Variants in COMT observed in about 807,000 individuals in gnomAD.
The protein encoded by COMT is catechol-O-methyltransferase.
Under a neutral mutation model 18.9 loss-of-function variants are expected in COMT, and 13 were observed. The observed-to-expected ratio is 0.69, with a 90% CI of 0.45 to 1.09. The LOEUF (loss-of-function observed/expected upper bound fraction) is 1.09. Among genes scored for constraint, COMT ranks in the 50% least tolerant of loss-of-function variants. The pLI is 0.00. For synonymous variants in COMT, 150 were observed against 160.9 expected (o/e 0.93, Z 0.51); for missense variants, 329 against 361.8 (o/e 0.91, Z 0.73).
intron 5 of COMT, chr22:19,964,818 C>T (rs940862248): frequency 2.7e-5 from 8 of 292,454 alleles, no homozygotes; most frequent in Non-Finnish European, 5.2e-5. Flanking sequence ...GGGCTGTCCT[C>T]GCTTCCCTGG....
chr22:19,946,976 C>T (rs1332266206), intron 1 of COMT, among the ~76,000 whole-genome samples: 1 of 135,500 alleles, frequency 7.4e-6, no homozygotes, highest in Non-Finnish European at 1.5e-5. Flanking sequence ...AGTGCAGTGG[C>T]ACGATCTCGG....
intron 1 of COMT, among the ~76,000 whole-genome samples, chr22:19,943,619 G>A (rs1941783680): frequency 6.6e-6 from 1 of 150,632 alleles, no homozygotes; most frequent in Non-Finnish European, 1.5e-5. Flanking sequence ...TCCAGCCTGA[G>A]CAACAGAGAG....
At chr22:19,963,857 C>A in intron 4 of COMT, 98 bp downstream of exon 4, 1 of 1,429,034 alleles carries the variant, frequency 7.0e-7, no homozygotes, top group Non-Finnish European at 9.5e-7. Flanking sequence ...GTTCACACCA[C>A]GTTCACTGAA....
At chr22:19,963,349 A>G (rs1189930880) in intron 3 of COMT, 1 of 612,362 alleles carries the variant, frequency 1.6e-6, no homozygotes, top group South Asian at 2.0e-5. Flanking sequence ...GGGAGCTCCA[A>G]GCGCGCTCAC....
rs12167365 is a variant in COMT at position 19,956,479 on chromosome 22, C to T, written c.-91-4720C>T. Among the ~76,000 whole-genome samples, 5 of 148,706 alleles carry T rather than the reference C, an allele frequency of 3.4e-5. No homozygotes were observed. The East Asian group carries it at 9.9e-4, about 29-fold the overall frequency. ...GCAACCTCTGCCTCCCAGGTTCAGG[C>T]TATTCTCCTGCCTCAGCCTCCTGAG... On this transcript the variant is annotated intron_variant, in intron 1 of 5. Transcript: ENST00000361682.
intron 1 of COMT, among the ~76,000 whole-genome samples, chr22:19,942,586 T>A (rs737866): frequency 1.3e-5 from 2 of 152,054 alleles, no homozygotes; most frequent in Non-Finnish European, 2.9e-5. Flanking sequence ...TTTTGGATTT[T>A]TCCAGCCAGG....
At position 19,967,007 on chromosome 22, in the gene COMT, G is replaced by A. The variant is rs897087342; in HGVS notation, c.616-1529G>A. 6.1e-6 allele frequency: 6 copies of A among 985,346 alleles called. No individual in the cohort carries two copies. The African/African-American group carries it at 7.0e-5, about 11-fold the overall frequency. 61.0% of individuals were successfully genotyped at this position (985,346 alleles called of 1,614,324 possible). A position where few individuals can be genotyped will look rare whatever the true frequency, so the allele number is the denominator to read the frequency against. On this transcript the variant is annotated intron_variant, in intron 5 of 5. Coordinates refer to ENST00000361682, the MANE Select transcript of COMT (RefSeq NM_000754.4). ...AGTTCTCCAGGTGGTCTGAGTAGCT[G>A]GTAGGAGGCTTGCAGTGTCGGGCGA...
chr22:19,962,557 G>A lies in COMT; in HGVS notation c.31G>A (p.Ala11Thr), dbSNP rs1360629147. Residue 11 changes from alanine to threonine, a missense_variant, in exon 3 of 6, where the codon GCT (alanine) becomes ACT (threonine). By Grantham distance (58) the Ala-to-Thr change is moderately conservative. Transcript: ENST00000361682. ...GGAGGCCCCGCCTCTGCTGTTGGCA[G>A]CTGTGTTGCTGGGCCTGGTGCTGCT... MPEAPPLLLA[A>T]VLLGLVLLVV... 1.3e-5 allele frequency: 20 copies of A among 1,552,686 alleles called. No homozygotes were observed. Among genetic ancestry groups the A allele is most frequent in the Non-Finnish European group, 1.7e-5 (20 of 1,148,822 alleles).
intron 1 of COMT, among the ~76,000 whole-genome samples, chr22:19,954,619 A>G (rs1381897886): frequency 6.6e-6 from 1 of 151,986 alleles, no homozygotes; most frequent in Non-Finnish European, 1.5e-5. Context: ...TGTCTGGCTA[A>G]TTGTGTATTT....
At chr22:19,953,252 C>T (rs1941987975) in intron 1 of COMT, among the ~76,000 whole-genome samples, 1 of 152,132 alleles carries the variant, frequency 6.6e-6, no homozygotes, top group Admixed American at 6.5e-5. Flanking sequence ...TGGATGCAGG[C>T]CTGGCCCAGA....
intron 1 of COMT, among the ~76,000 whole-genome samples, chr22:19,949,997 AATAAT>A (rs1193607025): frequency 6.6e-6 from 1 of 152,184 alleles, no homozygotes; most frequent in East Asian, 1.9e-4. Flanking sequence ...AGTTACGCTT[AATAAT>A]GAATGTTTCA....
rs757949902 is a variant in COMT at position 19,963,582 on chromosome 22, C to T, written c.306C>T (p.Ala102=). Residue 102 remains alanine (A), a synonymous_variant, in exon 4 of 6, where the codon GCC becomes GCT. Coordinates refer to ENST00000361682, the MANE Select transcript of COMT (RefSeq NM_000754.4). ...VGDKKGKIVD[A]VIQEHQPSVL... is the part of the protein sequence containing the mutation. ...CCTGCACAGGCAAGATCGTGGACGCCGTGATTCAGGAGCACCAGCCCTCCG... is the reference window on the plus strand; with the variant it reads ...CCTGCACAGGCAAGATCGTGGACGCTGTGATTCAGGAGCACCAGCCCTCCG... 4.1e-5 allele frequency: 66 copies of T among 1,612,410 alleles called. No individual in the cohort carries two copies. In the Middle Eastern group the frequency reaches 4.9e-4, roughly 12 times the overall value.
At chr22:19,964,443 G>A in intron 5 of COMT, 144 bp downstream of exon 5, 1 of 1,226,044 alleles carries the variant, frequency 8.2e-7, no homozygotes, top group Non-Finnish European at 1.2e-6. Context: ...AGGTCTGGGA[G>A]TGTGGGGGAC....
chr22:19,968,268 T>C (rs2146196581), intron 5 of COMT, among the ~76,000 whole-genome samples: 1 of 152,258 alleles, frequency 6.6e-6, no homozygotes, highest in South Asian at 2.1e-4. Context: ...CACATGCTGT[T>C]CTAAGGGATG....
chr22:19,950,247 T>TTTCTTTTC (rs1941906262), intron 1 of COMT, among the ~76,000 whole-genome samples: 1 of 119,258 alleles, frequency 8.4e-6, no homozygotes, highest in Non-Finnish European at 1.8e-5. Flanking sequence ...TTTTCTTTTT[T>TTTCTTTTC]TTTTTTTTTT....
intron 5 of COMT, chr22:19,964,862 G>A (rs1300675464): frequency 3.8e-6 from 1 of 260,264 alleles, no homozygotes; most frequent in African/African-American, 2.2e-5. Flanking sequence ...TTCACAGACT[G>A]ATGCTTAAGG....
At chr22:19,944,461 G>T (rs573201671) in intron 1 of COMT, among the ~76,000 whole-genome samples, 3 of 152,016 alleles carry the variant, frequency 2.0e-5, no homozygotes, top group East Asian at 3.9e-4. Flanking sequence ...ACTGGGAGGT[G>T]GGGGGCTGCA....
In COMT at chr22:19,961,274, CAG is replaced by C. The variant is rs1269621182; in HGVS notation, c.-13_-12del. ...CGCAGCCAGAGGGCTGGAGCCTGCT[CAG>C]AGGTGCTTTGAAGGTGAGTTGGCCA... On this transcript the variant is annotated 5_prime_UTR_variant, in exon 2 of 6. Coordinates refer to ENST00000361682, the MANE Select transcript of COMT (RefSeq NM_000754.4). 6.6e-6 allele frequency: 1 copy of C among 152,462 alleles called. No individual in the cohort carries two copies. The highest frequency in any genetic ancestry group is 6.5e-5 in the Admixed American group (1 of 15,292). The allele number at this position is 152,462 out of a possible 1,614,324, so 9.4% of individuals were successfully genotyped here.
intron 1 of COMT, among the ~76,000 whole-genome samples, chr22:19,948,279 A>G (rs981751218): frequency 1.3e-5 from 2 of 151,614 alleles, no homozygotes; most frequent in Non-Finnish European, 2.9e-5. Context: ...TTAGTTTAAC[A>G]TCTCTCTTAT....
Sources: gnomAD v4.1 joint callset for allele counts (sites outside exome capture counted in the v4.1 genomes callset) on GRCh38, gnomAD v4.1.1 for gene constraint, MANE v1.5 for transcripts, NCBI Gene and HGNC (gene_info 2026-07-23, HGNC 2026-07-21) for gene names.